The following COL5A1 variants were observed in gnomAD, a reference collection of about 807,000 sequenced individuals.
The protein encoded by COL5A1 is collagen alpha-1(V) chain.
A neutral mutation model predicts 263.7 loss-of-function variants in COL5A1; 16 were observed. The observed-to-expected ratio is 0.06, with a 90% CI of 0.04 to 0.09. COL5A1 has a LOEUF of 0.09. Ranked by LOEUF, COL5A1 falls within the 10% of genes least tolerant of loss-of-function variation. The pLI, the probability that COL5A1 is intolerant of heterozygous loss-of-function variation, is 1.00. For synonymous variants in COL5A1, 1,012 were observed against 1,004.5 expected, an observed-to-expected ratio of 1.01 and a Z score of -0.14; for missense variants, 2,036 against 2,540.5, an observed-to-expected ratio of 0.80 and a Z score of 4.27.
chr9:134,753,525 G>A (rs1186553077), intron 14 of COL5A1, among the ~76,000 whole-genome samples: 1 of 152,204 alleles, frequency 6.6e-6, no homozygotes, highest in Non-Finnish European at 1.5e-5. Context: ...TACGCTGCTC[G>A]AAGCTTTGGG....
chr9:134,738,656 C>T (rs1173059040), intron 10 of COL5A1, 90 bp from the exon 11 acceptor site: 3 of 1,474,538 alleles, frequency 2.0e-6, no homozygotes, highest in Non-Finnish European at 1.9e-6. Context: ...GCTATCCCAC[C>T]CCCACCTCTG....
chr9:134,726,811 G>T (rs1280977727), intron 4 of COL5A1, among the ~76,000 whole-genome samples: 1 of 150,336 alleles, frequency 6.7e-6, no homozygotes, highest in African/African-American at 2.5e-5. Flanking sequence ...CAGATGGATT[G>T]ATGGATGAGT....
chr9:134,690,852 G>A, intron 1 of COL5A1, 60 bp from the exon 2 acceptor site: 1 of 1,601,272 alleles, frequency 6.2e-7, no homozygotes, highest in African/African-American at 1.3e-5. Context: ...CAGCTTCCGG[G>A]TGTTCCCAGG....
intron 18 of COL5A1, among the ~76,000 whole-genome samples, chr9:134,761,358 C>T (rs1455520124): frequency 6.6e-6 from 1 of 152,190 alleles, no homozygotes; most frequent in Non-Finnish European, 1.5e-5. Flanking sequence ...CGTAAGCATG[C>T]CCTGCAGCCC....
intron 14 of COL5A1, 84 bp from the exon 15 acceptor site, chr9:134,753,766 G>GGCCCCCCC: frequency 9.8e-6 from 6 of 615,300 alleles, no homozygotes; most frequent in East Asian, 3.7e-5. Flanking sequence ...CCCTCCCCCT[G>GGCCCCCCC]CCCCTCCCCT....
Position 134,774,931 on chromosome 9 carries a change from A to G in COL5A1, c.2385+19A>G, listed in dbSNP as rs746686998. On this transcript the variant is annotated intron_variant, in intron 27 of 65. Coordinates refer to ENST00000371817, the MANE Select transcript of COL5A1 (RefSeq NM_000093.5). ...AGTCAAGGTGAGAGAGACTCACGCCACTCCAGGTCGTCCTGGAGGTCAGGG... is the reference window on the plus strand; with the variant it reads ...AGTCAAGGTGAGAGAGACTCACGCCGCTCCAGGTCGTCCTGGAGGTCAGGG... The G allele has an allele frequency of 1.2e-6, 2 of 1,611,236 alleles. No homozygotes were observed. The highest frequency in any genetic ancestry group is 1.7e-5 in the Admixed American group (1 of 59,722).
At chr9:134,750,711 G>A (rs1435032767) in intron 12 of COL5A1, 79 bp from the exon 13 acceptor site, 1 of 1,595,600 alleles carries the variant, frequency 6.3e-7, no homozygotes, top group African/African-American at 1.3e-5. Context: ...GGAGAGGCCT[G>A]TGGGCCCCGT....
intron 26 of COL5A1, 66 bp downstream of exon 26, chr9:134,772,900 T>C (rs1836911833): frequency 2.0e-6 from 3 of 1,497,206 alleles, no homozygotes; most frequent in Non-Finnish European, 2.8e-6. Flanking sequence ...TGCTCTGGGC[T>C]CAGCCTCTGC....
chr9:134,647,211 G>A lies in COL5A1; in HGVS notation c.109+4915G>A, dbSNP rs1051204593. Among the ~76,000 whole-genome samples the A allele has an allele frequency of 1.3e-5, 2 of 152,156 alleles. No individual in the cohort carries two copies. Among genetic ancestry groups the A allele is most frequent in the South Asian group, 2.1e-4 (1 of 4,832 alleles). On this transcript the variant is annotated intron_variant, in intron 1 of 65. Coordinates refer to ENST00000371817, the MANE Select transcript of COL5A1 (RefSeq NM_000093.5). This position sits in a 1 kb window ranked among gnomAD's most constrained non-coding sequence, Gnocchi z 5.0. ...GGGCTCTGCTGTTGCCCGCTTAGCC[G>A]GTCTCTGCTGCCCCTTTGCCTTCCT... is the stretch of plus-strand genomic sequence containing the variant.
At chr9:134,823,803 G>A (rs373417002) in intron 61 of COL5A1, among the ~76,000 whole-genome samples, 11 of 152,226 alleles carry the variant, frequency 7.2e-5, no homozygotes, top group East Asian at 5.8e-4. Flanking sequence ...GTATGTGTAC[G>A]TGCATCCTGT....
At chr9:134,697,504 C>CGGTGG (rs1191305583) in intron 2 of COL5A1, among the ~76,000 whole-genome samples, 7 of 151,944 alleles carry the variant, frequency 4.6e-5, no homozygotes, top group African/African-American at 1.7e-4. Flanking sequence ...CTCAGGGTGG[C>CGGTGG]GGTGGGGTGG....
At chr9:134,744,703 A>G (rs1426200132) in intron 11 of COL5A1, among the ~76,000 whole-genome samples, 2 of 150,458 alleles carry the variant, frequency 1.3e-5, no homozygotes, top group South Asian at 2.1e-4. Context: ...ACACACCCAT[A>G]CATGCTCTCA....
intron 11 of COL5A1, among the ~76,000 whole-genome samples, chr9:134,749,021 G>A (rs978124627): frequency 6.6e-6 from 1 of 152,194 alleles, no homozygotes; most frequent in Non-Finnish European, 1.5e-5. Flanking sequence ...GGTGGATCAC[G>A]AGGTCAGGAG....
At chr9:134,801,487 G>A (rs1838111597) in intron 37 of COL5A1, among the ~76,000 whole-genome samples, 1 of 152,226 alleles carries the variant, frequency 6.6e-6, no homozygotes, top group Non-Finnish European at 1.5e-5. Flanking sequence ...GTGTGGCTTC[G>A]TTACCCTCGT....
chr9:134,823,620 A>G (rs1839119380), intron 61 of COL5A1, 151 bp downstream of exon 61: 2 of 768,554 alleles, frequency 2.6e-6, no homozygotes, highest in Admixed American at 5.0e-5. Context: ...CAGCCGGGGA[A>G]ATGAGCCACA....
intron 4 of COL5A1, among the ~76,000 whole-genome samples, chr9:134,725,688 G>C (rs143220944): frequency 0.013 from 1,954 of 152,276 alleles, 18 homozygotes; most frequent in South Asian, 0.026. Context: ...TGCTTTTCCC[G>C]GCTGACACAG....
chr9:134,764,598 T>C (rs1008450780), intron 20 of COL5A1, among the ~76,000 whole-genome samples: 1 of 152,142 alleles, frequency 6.6e-6, no homozygotes, highest in Non-Finnish European at 1.5e-5. Context: ...TTACTATTCA[T>C]TTACTGTTGC....
rs1407190060 is a variant in COL5A1, at chr9:134,700,519, G to C, written c.491+397G>C. Among the ~76,000 whole-genome samples, 1 of 152,126 alleles carries C rather than the reference G, an allele frequency of 6.6e-6. No homozygotes were observed. Among genetic ancestry groups the C allele is most frequent in the East Asian group, 1.9e-4 (1 of 5,190 alleles). On this transcript the variant is annotated intron_variant, in intron 3 of 65. Transcript: ENST00000371817. This position sits in a 1 kb window ranked among gnomAD's most constrained non-coding sequence, Gnocchi z 4.0. ...GTGGGAGTGAGCATGAGAAAAAGCG[G>C]GTCGTGCCAGCACGCTCTGTTGGGT...
At chr9:134,732,437 G>C (rs1834924118) in intron 9 of COL5A1, 3 of 539,392 alleles carry the variant, frequency 5.6e-6, no homozygotes, top group Admixed American at 6.3e-5. Flanking sequence ...AAGCAGCTCA[G>C]AGCTATCGAG....
Sources: allele counts gnomAD v4.1 joint callset (sites outside exome capture counted in the v4.1 genomes callset), GRCh38; gene constraint gnomAD v4.1.1; non-coding constraint Gnocchi (gnomAD v3.1); transcripts MANE v1.5; gene names NCBI Gene and HGNC (gene_info 2026-07-23, HGNC 2026-07-21).